Variants in CABIN1 observed in about 807,000 individuals in gnomAD.
The protein encoded by CABIN1 is calcineurin-binding protein cabin-1.
CABIN1 carries 133 observed loss-of-function variants against 227.7 expected under a neutral mutation model. That is an observed-to-expected ratio of 0.58 (90% confidence interval 0.51 to 0.67). The LOEUF (loss-of-function observed/expected upper bound fraction) is 0.67, where lower values mean the gene tolerates loss of function less well. Among genes scored for constraint, CABIN1 ranks in the 30% least tolerant of loss-of-function variants. CABIN1 has a pLI of 0.00. For synonymous variants in CABIN1, 1,086 were observed against 1,155.1 expected (o/e 0.94, Z 1.21); for missense variants, 2,408 against 2,852.5 (o/e 0.84, Z 3.55).
chr22:24,164,648 GC>G, intron 30 of CABIN1, 85 bp downstream of exon 30: 1 of 1,471,892 alleles, frequency 6.8e-7, no homozygotes, highest in Non-Finnish European at 9.2e-7. Flanking sequence ...CACTGCTCTG[GC>G]CCAGCTGTGA....
chr22:24,142,061 G>T (rs546691456), intron 29 of CABIN1, among the ~76,000 whole-genome samples: 1 of 152,120 alleles, frequency 6.6e-6, no homozygotes, highest in Non-Finnish European at 1.5e-5. Flanking sequence ...CATGCCCATT[G>T]TACTTTAATT....
chr22:24,023,454 A>G (rs1161665877), intron 1 of CABIN1, among the ~76,000 whole-genome samples: 1 of 152,222 alleles, frequency 6.6e-6, no homozygotes, highest in South Asian at 2.1e-4. Flanking sequence ...TTGAGGAACT[A>G]CTAAACTGTT....
At chr22:24,024,680 A>G (rs1224877859) in intron 1 of CABIN1, among the ~76,000 whole-genome samples, 1 of 152,064 alleles carries the variant, frequency 6.6e-6, no homozygotes, top group Non-Finnish European at 1.5e-5. Context: ...TATCCCCCAT[A>G]TGTCCGTATG....
chr22:24,142,351 C>A (rs2044819664), intron 29 of CABIN1, among the ~76,000 whole-genome samples: 1 of 152,126 alleles, frequency 6.6e-6, no homozygotes, highest in Admixed American at 6.5e-5. Context: ...TGACTGAATT[C>A]CTCTCATCCT....
At chr22:24,093,127 T>G (rs921865201) in intron 24 of CABIN1, among the ~76,000 whole-genome samples, 7 of 152,352 alleles carry the variant, frequency 4.6e-5, no homozygotes, top group East Asian at 1.9e-4. Context: ...ATTGCCAGGT[T>G]GTTTAGCATT....
chr22:24,074,688 A>G (rs2146826303), intron 18 of CABIN1, among the ~76,000 whole-genome samples: 1 of 152,334 alleles, frequency 6.6e-6, no homozygotes, highest in Admixed American at 6.5e-5. Flanking sequence ...TCACATACTG[A>G]ATTCTCTGGA....
At chr22:24,170,898 G>A (rs1039298685) in intron 33 of CABIN1, among the ~76,000 whole-genome samples, 1 of 152,290 alleles carries the variant, frequency 6.6e-6, no homozygotes, top group East Asian at 1.9e-4. Context: ...GAGGGTTGAA[G>A]GGTGGACCCA....
chr22:24,131,925 G>A (rs1367587099), intron 28 of CABIN1, among the ~76,000 whole-genome samples: 1 of 152,128 alleles, frequency 6.6e-6, no homozygotes, highest in Non-Finnish European at 1.5e-5. Context: ...AATTAGCCAG[G>A]CATGGTGGCA....
intron 32 of CABIN1, among the ~76,000 whole-genome samples, chr22:24,168,050 G>A (rs2046557396): frequency 6.6e-6 from 1 of 152,230 alleles, no homozygotes; most frequent in Non-Finnish European, 1.5e-5. Context: ...TGAAGGCTTG[G>A]TTGGAGCCCT....
Position 24,084,675 on chromosome 22 carries a change from G to A in CABIN1, c.3007G>A (p.Ala1003Thr), listed in dbSNP as rs1370776626. The change falls in exon 21 of 37, where the codon GCT (alanine) becomes ACT (threonine). Residue 1003 changes from alanine to threonine, a missense_variant. Physicochemically the swap from Ala to Thr is moderately conservative, Grantham distance 58. Coordinates refer to ENST00000263119, the MANE Select transcript of CABIN1 (RefSeq NM_012295.4). ...FDSYKTSTVS[A>T]DLANLLKRIA... ...CAGCTATAAGACCAGCACCGTGTCT[G>A]CTGACTTGGCCAACCTACTGAAGAG... The A allele has an allele frequency of 1.2e-6, 2 of 1,614,154 alleles. No homozygotes were observed. Among genetic ancestry groups the A allele is most frequent in the East Asian group, 4.5e-5 (2 of 44,876 alleles).
At position 24,084,786 on chromosome 22, in the gene CABIN1, G is replaced by A; in HGVS notation, c.3117+1G>A. On this transcript the variant is annotated splice_donor_variant, in intron 21 of 36. Transcript: ENST00000263119. LOFTEE classifies it high-confidence loss of function. ...CTACATTGAGGGAACTTCAACTGAGGTGGGCCCACAACCTTGAGGACGTGG... is the reference window on the plus strand; with the variant it reads ...CTACATTGAGGGAACTTCAACTGAGATGGGCCCACAACCTTGAGGACGTGG... 3 of 1,614,130 alleles carry A rather than the reference G, an allele frequency of 1.9e-6. No homozygotes were observed. The highest frequency in any genetic ancestry group is 2.5e-6 in the Non-Finnish European group (3 of 1,179,976).
At chr22:24,094,823 C>CAAAAAA (rs201624847) in intron 24 of CABIN1, among the ~76,000 whole-genome samples, 1 of 78,354 alleles carries the variant, frequency 1.3e-5, no homozygotes, top group Non-Finnish European at 2.9e-5. Context: ...GACTCCGTCT[C>CAAAAAA]AAAAAAAAAA....
intron 1 of CABIN1, among the ~76,000 whole-genome samples, chr22:24,017,900 G>T (rs913949854): frequency 6.6e-6 from 1 of 151,784 alleles, no homozygotes; most frequent in Non-Finnish European, 1.5e-5. Flanking sequence ...AAATAGTATG[G>T]TGCTCTTGTC....
rs1479215363 is a variant in CABIN1, at chr22:24,177,893, GGGGTGGCAGGAGGGCCTGGGGTGT to G, written c.6519+82_6519+105del. 2.6e-6 allele frequency: 4 copies of G among 1,527,440 alleles called. No homozygotes were observed. In the African/African-American group the frequency reaches 5.5e-5, roughly 21 times the overall value. The allele number at this position is 1,527,440 out of a possible 1,614,324, so 94.6% of individuals were successfully genotyped here. ...ACAAAGGGGGCCTAGGATGGGGGTG[GGGGTGGCAGGAGGGCCTGGGGTGT>G]GGGTGAGGATGGCATAGGGGCCTGG... On this transcript the variant is annotated intron_variant, in intron 36 of 36. Coordinates refer to ENST00000263119, the MANE Select transcript of CABIN1 (RefSeq NM_012295.4). The surrounding 1 kb of genome is among the most constrained non-coding windows in gnomAD (Gnocchi z 4.4).
At chr22:24,044,303 T>C (rs1201420287) in intron 6 of CABIN1, among the ~76,000 whole-genome samples, 2 of 152,194 alleles carry the variant, frequency 1.3e-5, no homozygotes, top group Non-Finnish European at 2.9e-5. Context: ...ACATATATTC[T>C]TGACTTTCTT....
chr22:24,080,755 A>G (rs1417240037), intron 19 of CABIN1, among the ~76,000 whole-genome samples: 2 of 152,192 alleles, frequency 1.3e-5, no homozygotes, highest in African/African-American at 4.8e-5. Context: ...GTGAGCATGC[A>G]GGAGCACTAG....
rs200416527 is a variant in CABIN1, at chr22:24,113,563, C to T, written c.4118-3C>T. On this transcript the variant is annotated splice_region_variant and splice_polypyrimidine_tract_variant and intron_variant, in intron 26 of 36. Transcript: ENST00000263119. ...CGCCCTCTCTTCCTCCTTCTCCCCT[C>T]AGACCGAAGCCAGGACAGCACAGCC... The T allele has an allele frequency of 3.7e-6, 6 of 1,614,010 alleles. No homozygotes were observed. In the East Asian group the frequency reaches 1.1e-4, roughly 30 times the overall value.
intron 28 of CABIN1, 47 bp from the exon 29 acceptor site, chr22:24,134,255 C>A: frequency 6.8e-7 from 1 of 1,465,530 alleles, no homozygotes. Flanking sequence ...TGTGGGCGCC[C>A]TGAGCAGCCC....
chr22:24,055,175 G>T lies in CABIN1; in HGVS notation c.1093+16G>T, dbSNP rs761140286. On this transcript the variant is annotated intron_variant, in intron 9 of 36. Coordinates refer to ENST00000263119, the MANE Select transcript of CABIN1 (RefSeq NM_012295.4). Reference sequence around the variant, plus strand: ...GCTCCTGTGGGTAAGCAGGCCCCCTGAATTTGGCTTCCGGGGAGACCCCGT... The same window carrying T: ...GCTCCTGTGGGTAAGCAGGCCCCCTTAATTTGGCTTCCGGGGAGACCCCGT... 5 of 1,606,958 alleles carry T rather than the reference G, an allele frequency of 3.1e-6. No individual in the cohort carries two copies. Among genetic ancestry groups the T allele is most frequent in the Non-Finnish European group, 4.2e-6 (5 of 1,179,980 alleles).
Sources: gnomAD v4.1 joint callset for allele counts (sites outside exome capture counted in the v4.1 genomes callset) on GRCh38, gnomAD v4.1.1 for gene constraint, Gnocchi (gnomAD v3.1) non-coding constraint, MANE v1.5 for transcripts, NCBI Gene and HGNC (gene_info 2026-07-23, HGNC 2026-07-21) for gene names.